CABP7: variants seen among roughly 807,000 people sequenced by gnomAD.
CABP7 encodes calcium binding protein 7.
A neutral mutation model predicts 23.1 loss-of-function variants in CABP7; 13 were observed. The ratio of observed to expected loss-of-function variants is 0.56; its 90% CI spans 0.37 to 0.90. The LOEUF is 0.90. CABP7 is among the 40% of genes least tolerant of loss of function. The pLI is 0.01. For synonymous variants in CABP7, 123 were observed against 115.3 expected (o/e 1.07, Z -0.43); for missense variants, 248 against 295.6 (o/e 0.84, Z 1.18).
In CABP7 at chr22:29,729,642, T is replaced by G. The variant is rs1388306883; in HGVS notation, c.*73T>G. 6.4e-7 allele frequency: 1 copy of G among 1,572,052 alleles called. No homozygotes were observed. The highest frequency in any genetic ancestry group is 8.6e-7 in the Non-Finnish European group (1 of 1,162,582). On this transcript the variant is annotated 3_prime_UTR_variant, in exon 5 of 5. Coordinates refer to ENST00000216144, the MANE Select transcript of CABP7 (RefSeq NM_182527.3). Reference sequence around the variant, plus strand: ...CCCACACCACCGCCGCCTGCAGACCTCTCCCTTGGCCGGCTCCCTGGGCCG... The same window carrying G: ...CCCACACCACCGCCGCCTGCAGACCGCTCCCTTGGCCGGCTCCCTGGGCCG...
chr22:29,729,621 C>A lies in CABP7; in HGVS notation c.*52C>A. 1 of 1,594,240 alleles carries A rather than the reference C, an allele frequency of 6.3e-7. No homozygotes were observed. On this transcript the variant is annotated 3_prime_UTR_variant, in exon 5 of 5. Coordinates refer to ENST00000216144, the MANE Select transcript of CABP7 (RefSeq NM_182527.3). ...CATGCGGTGCCCGTGGCCCGCCCCA[C>A]ACCACCGCCGCCTGCAGACCTCTCC...
chr22:29,731,461 G>A lies in CABP7; in HGVS notation c.*1892G>A, dbSNP rs1250425873. 4.2e-6 allele frequency: 6 copies of A among 1,433,780 alleles called. No individual in the cohort carries two copies. Among genetic ancestry groups the A allele is most frequent in the Admixed American group, 3.4e-5 (1 of 29,772 alleles). 88.8% of individuals were successfully genotyped at this position (1,433,780 alleles called of 1,614,324 possible). Reference sequence around the variant, plus strand: ...ACCCTGGCTGTGGGGAGGGTCAGCTGCCTGCATGACTTTTCTGGAAGGCAG... The same window carrying A: ...ACCCTGGCTGTGGGGAGGGTCAGCTACCTGCATGACTTTTCTGGAAGGCAG... On this transcript the variant is annotated 3_prime_UTR_variant, in exon 5 of 5. Coordinates refer to ENST00000216144, the MANE Select transcript of CABP7 (RefSeq NM_182527.3).
rs1361055445 is a variant in CABP7, at chr22:29,728,687, C to A, written c.311C>A (p.Thr104Asn). 1.9e-6 allele frequency: 3 copies of A among 1,613,754 alleles called. No individual in the cohort carries two copies. Among genetic ancestry groups the A allele is most frequent in the Non-Finnish European group, 1.7e-6 (2 of 1,179,908 alleles). ...FVTLLGPKLS[T>N]SGIPEKFHGT... ...ACCCTTCTGGGACCCAAACTCTCCA[C>A]CTCAGGGATCCCAGAGAAGTTCCAT... Residue 104 changes from threonine to asparagine, a missense_variant, in exon 3 of 5, where the codon ACC (threonine) becomes AAC (asparagine). Transcript: ENST00000216144.
intron 2 of CABP7, 32 bp from the exon 3 acceptor site, chr22:29,728,598 C>A: frequency 1.4e-6 from 2 of 1,394,638 alleles, no homozygotes; most frequent in Non-Finnish European, 2.0e-6. Context: ...TGGGCCCTAC[C>A]CACTGATTGA....
At chr22:29,722,989 C>T (rs947862854) in intron 1 of CABP7, among the ~76,000 whole-genome samples, 9 of 152,348 alleles carry the variant, frequency 5.9e-5, no homozygotes, top group Admixed American at 5.9e-4. Flanking sequence ...ACCTTCAGCT[C>T]ATGGAGTGAC....
chr22:29,728,750 C>T lies in CABP7; in HGVS notation c.366+8C>T, dbSNP rs1453981133. On this transcript the variant is annotated splice_region_variant and intron_variant, in intron 3 of 4. Transcript: ENST00000216144. ...GATACTGTCTTCTGGAAGGTATCCC[C>T]TGGCTAGTTGGGACCCAGGGCTGTG... 1 of 1,589,070 alleles carries T rather than the reference C, an allele frequency of 6.3e-7. No individual in the cohort carries two copies. Among genetic ancestry groups the T allele is most frequent in the Middle Eastern group, 1.7e-4 (1 of 6,020 alleles).
In CABP7 at chr22:29,729,711, C is replaced by T. The variant is rs2067824955; in HGVS notation, c.*142C>T. ...GGGCCTGGGTATCCAGCGAGCCCTCCCCACCCACCCACGGTCCTCACCTGG... is the reference window on the plus strand; with the variant it reads ...GGGCCTGGGTATCCAGCGAGCCCTCTCCACCCACCCACGGTCCTCACCTGG... On this transcript the variant is annotated 3_prime_UTR_variant, in exon 5 of 5. Transcript: ENST00000216144. 1.6e-5 allele frequency: 17 copies of T among 1,049,616 alleles called. No homozygotes were observed. Among genetic ancestry groups the T allele is most frequent in the Non-Finnish European group, 2.0e-5 (15 of 737,262 alleles). 65.0% of individuals were successfully genotyped at this position (1,049,616 alleles called of 1,614,324 possible).
At position 29,728,743 on chromosome 22, in the gene CABP7, G is replaced by T; in HGVS notation, c.366+1G>T. ...CGACTTTGATACTGTCTTCTGGAAGGTATCCCCTGGCTAGTTGGGACCCAG... is the reference window on the plus strand; with the variant it reads ...CGACTTTGATACTGTCTTCTGGAAGTTATCCCCTGGCTAGTTGGGACCCAG... On this transcript the variant is annotated splice_donor_variant, in intron 3 of 4. Coordinates refer to ENST00000216144, the MANE Select transcript of CABP7 (RefSeq NM_182527.3). LOFTEE classifies it high-confidence loss of function. 5 of 1,602,668 alleles carry T rather than the reference G, an allele frequency of 3.1e-6. No individual in the cohort carries two copies. The highest frequency in any genetic ancestry group is 4.3e-6 in the Non-Finnish European group (5 of 1,170,040).
At chr22:29,724,732 G>T (rs1253645056) in intron 1 of CABP7, among the ~76,000 whole-genome samples, 1 of 152,192 alleles carries the variant, frequency 6.6e-6, no homozygotes. Flanking sequence ...CTCATGCATG[G>T]GGAGGTGGCA....
At chr22:29,724,073 C>T (rs188808163) in intron 1 of CABP7, among the ~76,000 whole-genome samples, 2 of 152,308 alleles carry the variant, frequency 1.3e-5, no homozygotes, top group Non-Finnish European at 2.9e-5. Context: ...CCTTACGGGA[C>T]GGGAAGGGAG....
At position 29,730,673 on chromosome 22, in the gene CABP7, G is replaced by C. The variant is rs1248322434; in HGVS notation, c.*1104G>C. On this transcript the variant is annotated 3_prime_UTR_variant, in exon 5 of 5. Coordinates refer to ENST00000216144, the MANE Select transcript of CABP7 (RefSeq NM_182527.3). ...TCCCAAATACTTGGGCAGCAGCTCA[G>C]CATGGGCAGACATGGGGGCTGTGGA... is the stretch of plus-strand genomic sequence containing the variant. 1 of 152,444 alleles carries C rather than the reference G, an allele frequency of 6.6e-6. No homozygotes were observed. Among genetic ancestry groups the C allele is most frequent in the African/African-American group, 2.4e-5 (1 of 41,470 alleles). 9.4% of individuals were successfully genotyped at this position (152,444 alleles called of 1,614,324 possible).
Position 29,727,752 on chromosome 22 carries a change from A to G in CABP7, c.200A>G (p.Tyr67Cys), listed in dbSNP as rs756239943. ...GGCACAGCCATGCGCTCACTGGGTTACATGCCCAACGAGGTGGAGCTGGAG... is the reference window on the plus strand; with the variant it reads ...GGCACAGCCATGCGCTCACTGGGTTGCATGCCCAACGAGGTGGAGCTGGAG... ...ELGTAMRSLG[Y>C]MPNEVELEVI... The change falls in exon 2 of 5, where the codon TAC becomes TGC. Residue 67 changes from tyrosine to cysteine, a missense_variant. Transcript: ENST00000216144. The surrounding 1 kb of genome is among the most constrained non-coding windows in gnomAD (Gnocchi z 4.2). The G allele has an allele frequency of 1.2e-6, 2 of 1,613,350 alleles. No individual in the cohort carries two copies. The highest frequency in any genetic ancestry group is 1.1e-5 in the South Asian group (1 of 90,980).
intron 1 of CABP7, among the ~76,000 whole-genome samples, chr22:29,724,731 G>T (rs889566588): frequency 6.6e-6 from 1 of 152,206 alleles, no homozygotes; most frequent in Non-Finnish European, 1.5e-5. Context: ...ACTCATGCAT[G>T]GGGAGGTGGC....
chr22:29,722,718 C>A (rs1273182310), intron 1 of CABP7, among the ~76,000 whole-genome samples: 2 of 152,264 alleles, frequency 1.3e-5, no homozygotes, highest in South Asian at 2.1e-4. Flanking sequence ...CTCTGCAGGG[C>A]CTCATGAGTG....
rs543688384 is a variant in CABP7 at position 29,721,404 on chromosome 22, C to T, written c.109+871C>T. On this transcript the variant is annotated intron_variant, in intron 1 of 4. Transcript: ENST00000216144. Reference sequence around the variant, plus strand: ...GGGGAGGTGCTGAGGTTTCCCCTCCCCCCAGACCTCCTGGAGCCCCCATAT... The same window carrying T: ...GGGGAGGTGCTGAGGTTTCCCCTCCTCCCAGACCTCCTGGAGCCCCCATAT... Among the ~76,000 whole-genome samples, 165 of 152,198 alleles carry T rather than the reference C, an allele frequency of 1.1e-3. 4 individuals carry two copies. Among genetic ancestry groups the T allele is most frequent in the Admixed American group, 0.011 (164 of 15,306 alleles).
At position 29,720,580 on chromosome 22, in the gene CABP7, C is replaced by A; in HGVS notation, c.109+47C>A. 3.8e-6 allele frequency: 5 copies of A among 1,325,242 alleles called. No homozygotes were observed. The highest frequency in any genetic ancestry group is 3.0e-5 in the East Asian group (1 of 33,298). 82.1% of individuals were successfully genotyped at this position (1,325,242 alleles called of 1,614,324 possible). A position where few individuals can be genotyped will look rare whatever the true frequency, so the allele number is the denominator to read the frequency against. ...CGCCCCGGCGGCCCTCCTACCTGTG[C>A]GCCCAGGTGAAGCGCGGGCCAGGGG... On this transcript the variant is annotated intron_variant, in intron 1 of 4. Transcript: ENST00000216144. The surrounding 1 kb of genome is among the most constrained non-coding windows in gnomAD (Gnocchi z 5.2).
rs1368790303 is a variant in CABP7 at position 29,729,001 on chromosome 22, G to A, written c.367-54G>A. 16 of 1,591,868 alleles carry A rather than the reference G, an allele frequency of 1.0e-5. No homozygotes were observed. The East Asian group carries it at 1.6e-4, about 16-fold the overall frequency. The stretch of plus-strand genomic sequence containing the variant: ...CACCGGGTCTGTATGGCCGTGGGGT[G>A]CTGGGTGGGGGCTGCGGTGGCTCTC... On this transcript the variant is annotated intron_variant, in intron 3 of 4. Coordinates refer to ENST00000216144, the MANE Select transcript of CABP7 (RefSeq NM_182527.3).
rs1289866946 is a variant in CABP7, at chr22:29,729,198, G to A, written c.510G>A (p.Val170=). The A allele has an allele frequency of 2.5e-6, 4 of 1,607,582 alleles. No homozygotes were observed. The highest frequency in any genetic ancestry group is 3.4e-6 in the Non-Finnish European group (4 of 1,178,024). Residue 170 remains valine (V), a synonymous_variant, in exon 4 of 5, where the codon GTG becomes GTA. Coordinates refer to ENST00000216144, the MANE Select transcript of CABP7 (RefSeq NM_182527.3). ...TGGGCACAGCCGAGGAGTGTCCCGT[G>A]GATGTGGAGAGTGAGTGGCTGGCCC... is the stretch of plus-strand genomic sequence containing the variant. ...SHLGTAEECP[V]DVETCSNQQI...
chr22:29,731,619 G>A lies in CABP7; in HGVS notation c.*2050G>A, dbSNP rs915220648. The A allele has an allele frequency of 6.8e-6, 3 of 438,296 alleles. No individual in the cohort carries two copies. Among genetic ancestry groups the A allele is most frequent in the Admixed American group, 9.8e-5 (2 of 20,458 alleles). 27.2% of individuals were successfully genotyped at this position (438,296 alleles called of 1,614,324 possible). A position where few individuals can be genotyped will look rare whatever the true frequency, so the allele number is the denominator to read the frequency against. On this transcript the variant is annotated 3_prime_UTR_variant, in exon 5 of 5. Coordinates refer to ENST00000216144, the MANE Select transcript of CABP7 (RefSeq NM_182527.3). ...ATAACCTTCGTGTCCACCTGTGGGG[G>A]ACTGATTCAATACATATGCACGTCC...
Sources: gnomAD v4.1 joint callset for allele counts (sites outside exome capture counted in the v4.1 genomes callset) on GRCh38, gnomAD v4.1.1 for gene constraint, Gnocchi (gnomAD v3.1) non-coding constraint, MANE v1.5 for transcripts, NCBI Gene and HGNC (gene_info 2026-07-23, HGNC 2026-07-21) for gene names.